Variants in GULP1 observed in about 807,000 individuals in gnomAD.
The protein encoded by GULP1 is GULP PTB domain containing engulfment adaptor 1.
In GULP1, 19 loss-of-function variants were observed where a neutral mutation model predicts 40.9. The observed-to-expected ratio is 0.46, with a 90% confidence interval of 0.32 to 0.68. The LOEUF (loss-of-function observed/expected upper bound fraction) is 0.68, where lower values mean the gene tolerates loss of function less well. Ranked by LOEUF, GULP1 falls within the 30% of genes least tolerant of loss-of-function variation. The probability of loss-of-function intolerance (pLI) is 0.03; values close to 1 mark genes in which losing one functional copy is unlikely to be tolerated. For missense variants in GULP1, 312 were observed against 362.2 expected, an observed-to-expected ratio of 0.86 and a Z score of 1.12; for synonymous variants, 119 against 117.6, an observed-to-expected ratio of 1.01 and a Z score of -0.08.
chr2:188,549,107 G>A (rs1400442888), intron 7 of GULP1, among the ~76,000 whole-genome samples: 2 of 151,808 alleles, frequency 1.3e-5, no homozygotes. Flanking sequence ...ATGATATACT[G>A]AACTTTTGAA....
At chr2:188,479,510 T>C (rs1177185432) in intron 3 of GULP1, among the ~76,000 whole-genome samples, 1 of 152,134 alleles carries the variant, frequency 6.6e-6, no homozygotes, top group Non-Finnish European at 1.5e-5. Context: ...ACTCCAAGCA[T>C]CAAGTGATCC....
At chr2:188,451,867 A>T (rs192678375) in intron 2 of GULP1, among the ~76,000 whole-genome samples, 46 of 152,290 alleles carry the variant, frequency 3.0e-4, no homozygotes, top group African/African-American at 1.1e-3. Flanking sequence ...ATCTGTCATT[A>T]ATATATAGTA....
At chr2:188,413,491 G>GC (rs2054181671) in intron 2 of GULP1, among the ~76,000 whole-genome samples, 1 of 152,044 alleles carries the variant, frequency 6.6e-6, no homozygotes, top group Admixed American at 6.5e-5. Flanking sequence ...GTCCTTTTTT[G>GC]AAAAGTGTCT....
intron 2 of GULP1, among the ~76,000 whole-genome samples, chr2:188,424,728 T>C (rs1272686611): frequency 6.6e-6 from 1 of 151,918 alleles, no homozygotes; most frequent in East Asian, 1.9e-4. Flanking sequence ...TATATGTCTT[T>C]ATTTTAGTCT....
chr2:188,324,512 A>G (rs2151966043), intron 1 of GULP1, among the ~76,000 whole-genome samples: 1 of 152,184 alleles, frequency 6.6e-6, no homozygotes, highest in South Asian at 2.1e-4. Flanking sequence ...GTTGAACTTT[A>G]AAGACATTGA....
At chr2:188,397,031 A>G (rs1395418798) in intron 2 of GULP1, among the ~76,000 whole-genome samples, 1 of 152,202 alleles carries the variant, frequency 6.6e-6, no homozygotes, top group Non-Finnish European at 1.5e-5. Context: ...CCACTCCCAC[A>G]TTCGTAGGAC....
At chr2:188,435,888 G>A (rs990676231) in intron 2 of GULP1, among the ~76,000 whole-genome samples, 5 of 152,016 alleles carry the variant, frequency 3.3e-5, no homozygotes, top group African/African-American at 9.7e-5. Flanking sequence ...CTTCTACAAG[G>A]CCAGAAGAAT....
At chr2:188,410,189 TA>T (rs879323865) in intron 2 of GULP1, among the ~76,000 whole-genome samples, 207 of 150,770 alleles carry the variant, frequency 1.4e-3, no homozygotes, top group Non-Finnish European at 2.2e-3. Flanking sequence ...CATACAAAAA[TA>T]AAAAAAAACT....
At chr2:188,483,602 GA>G (rs1389753406) in intron 4 of GULP1, 110 bp downstream of exon 4, 1 of 441,370 alleles carries the variant, frequency 2.3e-6, no homozygotes, top group African/African-American at 2.0e-5. Context: ...ATTGATTCCT[GA>G]AAAAAGTTTA....
chr2:188,579,743 A>T (rs1385052761), intron 9 of GULP1, among the ~76,000 whole-genome samples: 2 of 152,184 alleles, frequency 1.3e-5, no homozygotes, highest in Admixed American at 6.5e-5. Flanking sequence ...GATTATTTTT[A>T]TATTATATAC....
chr2:188,564,418 T>C (rs904820064), intron 7 of GULP1, among the ~76,000 whole-genome samples: 2 of 151,812 alleles, frequency 1.3e-5, no homozygotes, highest in African/African-American at 4.8e-5. Flanking sequence ...TACAAATCAA[T>C]GTACAAAATT....
chr2:188,391,156 A>G (rs1021256556), intron 2 of GULP1, among the ~76,000 whole-genome samples: 11 of 151,736 alleles, frequency 7.2e-5, no homozygotes, highest in Admixed American at 6.6e-5. Flanking sequence ...TGATGTTGCT[A>G]TTTTGATGGA....
chr2:188,459,486 T>C (rs958228500), intron 2 of GULP1, among the ~76,000 whole-genome samples: 1 of 152,214 alleles, frequency 6.6e-6, no homozygotes, highest in East Asian at 1.9e-4. Context: ...GAAATAGCTA[T>C]TCAAATTTTT....
rs577544682 is a variant in GULP1, at chr2:188,374,369, A to G, written c.-171-9394A>G. On this transcript the variant is annotated intron_variant, in intron 1 of 11. Coordinates refer to ENST00000409830, the MANE Select transcript of GULP1 (RefSeq NM_016315.4). ...TTTTGTTGTACTTGGCAGACAACCA[A>G]TTAAAACTCAGTTAAGCCAAAGAAT... 2.6e-5 allele frequency among the ~76,000 whole-genome samples: 4 copies of G among 152,276 alleles called. No homozygotes were observed. The East Asian group carries it at 7.7e-4, about 29-fold the overall frequency.
chr2:188,361,953 A>G (rs1012710901), intron 1 of GULP1, among the ~76,000 whole-genome samples: 6 of 151,818 alleles, frequency 4.0e-5, no homozygotes, highest in Non-Finnish European at 8.8e-5. Flanking sequence ...CTGCTTATTG[A>G]CAAAATGTTT....
intron 4 of GULP1, among the ~76,000 whole-genome samples, chr2:188,495,503 A>G (rs2153114537): frequency 6.6e-6 from 1 of 152,202 alleles, no homozygotes; most frequent in Admixed American, 6.6e-5. Flanking sequence ...TATCCAAACA[A>G]ATAATAGTGA....
At chr2:188,455,136 A>C (rs2152934370) in intron 2 of GULP1, among the ~76,000 whole-genome samples, 1 of 152,162 alleles carries the variant, frequency 6.6e-6, no homozygotes, top group Admixed American at 6.5e-5. Flanking sequence ...TGTCTTCAAA[A>C]ATAAAATAAA....
chr2:188,309,066 A>G (rs1219342415), intron 1 of GULP1, among the ~76,000 whole-genome samples: 7 of 152,146 alleles, frequency 4.6e-5, no homozygotes, highest in Non-Finnish European at 8.8e-5. Context: ...TTATATTGTT[A>G]CTTTGTTGTT....
At chr2:188,550,627 T>C (rs1313700065) in intron 7 of GULP1, among the ~76,000 whole-genome samples, 1 of 151,282 alleles carries the variant, frequency 6.6e-6, no homozygotes, top group Non-Finnish European at 1.5e-5. Context: ...GTAAAAAGGG[T>C]TCATTGTCAA....
Sources: gnomAD v4.1 joint callset for allele counts (sites outside exome capture counted in the v4.1 genomes callset) on GRCh38, gnomAD v4.1.1 for gene constraint, MANE v1.5 for transcripts, NCBI Gene and HGNC (gene_info 2026-07-23, HGNC 2026-07-21) for gene names.